The following HEMK1 variants were observed in gnomAD, a reference collection of about 807,000 sequenced individuals.
HEMK1 encodes MTRF1L release factor glutamine methyltransferase.
HEMK1 carries 36 observed loss-of-function variants against 47.9 expected under a neutral mutation model. The observed-to-expected ratio is 0.75, with a 90% confidence interval of 0.58 to 0.99. HEMK1 has a LOEUF of 0.99. HEMK1 is among the 50% of genes least tolerant of loss of function. HEMK1 has a pLI of 0.00. For missense variants in HEMK1, 383 were observed against 434.5 expected, an observed-to-expected ratio of 0.88 and a Z score of 1.05; for synonymous variants, 153 against 165.4, an observed-to-expected ratio of 0.93 and a Z score of 0.57.
Position 50,571,271 on chromosome 3 carries a change from G to A in HEMK1, c.167G>A (p.Gly56Asp). The A allele has an allele frequency of 1.9e-6, 3 of 1,613,098 alleles. No homozygotes were observed. The highest frequency in any genetic ancestry group is 2.5e-6 in the Non-Finnish European group (3 of 1,179,518). Residue 56 changes from glycine (G) to aspartate (D), a missense_variant, in exon 2 of 11, where the codon GGT becomes GAT. Physicochemically the swap from Gly to Asp is moderately conservative, Grantham distance 94. Coordinates refer to ENST00000232854, the MANE Select transcript of HEMK1 (RefSeq NM_016173.5). ...TGGACTGGGGTCTTTGAGAAGAGGG[G>A]TATCCCTGAGGCCCGGGAATCCAGT... is the stretch of plus-strand genomic sequence containing the variant. ...SHWTGVFEKR[G>D]IPEARESSEY...
intron 2 of HEMK1, 148 bp downstream of exon 2, chr3:50,571,480 AAC>A: frequency 1.5e-6 from 1 of 684,414 alleles, no homozygotes; most frequent in East Asian, 2.7e-5. Context: ...CACACACTGT[AAC>A]AGTTTGTTGG....
chr3:50,569,387 C>T (rs1435971292), upstream of HEMK1: 2 of 152,292 alleles, frequency 1.3e-5, no homozygotes, highest in African/African-American at 4.8e-5. Context: ...CAGGGGTCTC[C>T]TGGGAGGAAC....
chr3:50,575,422 C>CAAAAA (rs35905380), intron 4 of HEMK1, among the ~76,000 whole-genome samples: 2 of 139,082 alleles, frequency 1.4e-5, no homozygotes, highest in African/African-American at 2.7e-5. Flanking sequence ...AACTCTGTCT[C>CAAAAA]AAAAAAAAAA....
rs746556369 is a variant in HEMK1, at chr3:50,572,174, T to C, written c.380T>C (p.Val127Ala). 8.7e-6 allele frequency: 14 copies of C among 1,613,878 alleles called. No individual in the cohort carries two copies. Among genetic ancestry groups the C allele is most frequent in the Non-Finnish European group, 1.2e-5 (14 of 1,179,930 alleles). Residue 127 changes from valine to alanine, a missense_variant, in exon 4 of 11, where the codon GTG becomes GCG. Val to Ala is a moderately conservative substitution (Grantham distance 64). Transcript: ENST00000232854. ...WDFQGLSLRM[V>A]PPVFIPRPET... is the part of the protein sequence containing the mutation. ...TTCCAGGGGCTCAGCCTAAGGATGG[T>C]GCCCCCAGTGTTTATTCCTCGGCCA...
rs2030685546 is a variant in HEMK1, at chr3:50,580,679, G to T, written c.*262G>T. On this transcript the variant is annotated 3_prime_UTR_variant, in exon 11 of 11. Transcript: ENST00000232854. ...TAAAGTATTGAGAGACTAACAAATG[G>T]TGACCTAATGTTTTGTCCATGACTT... 3.6e-6 allele frequency: 2 copies of T among 549,358 alleles called. No homozygotes were observed. Among genetic ancestry groups the T allele is most frequent in the African/African-American group, 1.9e-5 (1 of 52,516 alleles). 34.0% of individuals were successfully genotyped at this position (549,358 alleles called of 1,614,324 possible).
chr3:50,572,643 G>T (rs1399954628), intron 4 of HEMK1, among the ~76,000 whole-genome samples: 1 of 152,206 alleles, frequency 6.6e-6, no homozygotes, highest in Admixed American at 6.5e-5. Context: ...GCAGGTCACT[G>T]CCCTCCTGCC....
At position 50,571,810 on chromosome 3, in the gene HEMK1, C is replaced by A. The variant is rs777737128; in HGVS notation, c.320+9C>A. 2 of 1,612,284 alleles carry A rather than the reference C, an allele frequency of 1.2e-6. No individual in the cohort carries two copies. The highest frequency in any genetic ancestry group is 2.2e-5 in the South Asian group (2 of 91,062). On this transcript the variant is annotated intron_variant, in intron 3 of 10. Coordinates refer to ENST00000232854, the MANE Select transcript of HEMK1 (RefSeq NM_016173.5). Reference sequence around the variant, plus strand: ...AGCCGTCGATTGCAGAGGTGAGCACCCATGGATCAGACCTGAAGGATGTGT... The same window carrying A: ...AGCCGTCGATTGCAGAGGTGAGCACACATGGATCAGACCTGAAGGATGTGT...
intron 4 of HEMK1, among the ~76,000 whole-genome samples, chr3:50,576,512 T>G (rs1450188037): frequency 6.6e-6 from 1 of 152,188 alleles, no homozygotes; most frequent in Non-Finnish European, 1.5e-5. Flanking sequence ...CAATTCTCCC[T>G]CTCACCTCAG....
intron 7 of HEMK1, among the ~76,000 whole-genome samples, chr3:50,578,097 A>G (rs953861317): frequency 6.6e-6 from 1 of 152,214 alleles, no homozygotes; most frequent in Non-Finnish European, 1.5e-5. Context: ...GACCTGACCC[A>G]TAAGGGACCA....
chr3:50,582,719 A>T lies in HEMK1; in HGVS notation c.*2302A>T, dbSNP rs2030969364. ...CATAAGGCAGGCAGGGATACAAGGC[A>T]GTCTGGAAAGAAGGGAAGGCAGGAG... On this transcript the variant is annotated 3_prime_UTR_variant, in exon 11 of 11. Coordinates refer to ENST00000232854, the MANE Select transcript of HEMK1 (RefSeq NM_016173.5). The T allele has an allele frequency of 6.6e-6, 1 of 152,346 alleles. No individual in the cohort carries two copies. Among genetic ancestry groups the T allele is most frequent in the Non-Finnish European group, 1.5e-5 (1 of 68,130 alleles). The allele number at this position is 152,346 out of a possible 1,614,324, so 9.4% of individuals were successfully genotyped here. A position where few individuals can be genotyped will look rare whatever the true frequency, so the allele number is the denominator to read the frequency against.
In HEMK1 at chr3:50,582,217, G is replaced by C. The variant is rs920355307; in HGVS notation, c.*1800G>C. On this transcript the variant is annotated 3_prime_UTR_variant, in exon 11 of 11. Coordinates refer to ENST00000232854, the MANE Select transcript of HEMK1 (RefSeq NM_016173.5). ...GAAGGGCCTTGGCGAGCTTGTGGAT[G>C]TTGCACCAGAAGAGAGTGCAGTGTT... The C allele has an allele frequency of 6.6e-6, 1 of 152,254 alleles. No homozygotes were observed. Among genetic ancestry groups the C allele is most frequent in the African/African-American group, 2.4e-5 (1 of 41,464 alleles). The allele number at this position is 152,254 out of a possible 1,614,324, so 9.4% of individuals were successfully genotyped here. A position where few individuals can be genotyped will look rare whatever the true frequency, so the allele number is the denominator to read the frequency against.
chr3:50,571,412 C>G lies in HEMK1; in HGVS notation c.228+80C>G, dbSNP rs1575889536. On this transcript the variant is annotated intron_variant, in intron 2 of 10. Transcript: ENST00000232854. The stretch of plus-strand genomic sequence containing the variant: ...AAGGGATATCCAGGTTTTCTGTTCA[C>G]TAAGAGTGCTTAGCTGAGACTGATG... The G allele has an allele frequency of 4.7e-6, 5 of 1,071,634 alleles. No homozygotes were observed. The Admixed American group carries it at 9.8e-5, about 21-fold the overall frequency. The allele number at this position is 1,071,634 out of a possible 1,614,324, so 66.4% of individuals were successfully genotyped here.
chr3:50,570,330 T>C (rs1159443777), intron 1 of HEMK1: 1 of 152,228 alleles, frequency 6.6e-6, no homozygotes, highest in East Asian at 1.9e-4. Flanking sequence ...AAATATACAA[T>C]TGTAAATTTT....
chr3:50,569,901 C>T (rs1307975381), intron 1 of HEMK1: 1 of 152,082 alleles, frequency 6.6e-6, no homozygotes, highest in African/African-American at 2.4e-5. Flanking sequence ...GTGGCATGAC[C>T]GCGGCTCGCT....
At chr3:50,574,133 A>G (rs1056055163) in intron 4 of HEMK1, among the ~76,000 whole-genome samples, 2 of 152,192 alleles carry the variant, frequency 1.3e-5, no homozygotes, top group Non-Finnish European at 2.9e-5. Context: ...AGAGCCAACA[A>G]CTGCCTGCCC....
intron 4 of HEMK1, among the ~76,000 whole-genome samples, chr3:50,575,906 C>G (rs768338981): frequency 7.9e-5 from 12 of 152,220 alleles, no homozygotes; most frequent in Non-Finnish European, 1.6e-4. Context: ...CACCCTTTAC[C>G]CCTACCCTAT....
chr3:50,577,359 T>C, intron 5 of HEMK1, 150 bp from the exon 6 acceptor site: 3 of 1,092,326 alleles, frequency 2.7e-6, no homozygotes, highest in East Asian at 4.8e-5. Flanking sequence ...CTACCACATC[T>C]ATCTGGCTAG....
chr3:50,573,344 G>A (rs970646563), intron 4 of HEMK1, among the ~76,000 whole-genome samples: 4 of 152,246 alleles, frequency 2.6e-5, no homozygotes, highest in Non-Finnish European at 4.4e-5. Flanking sequence ...GGTGTGGCCT[G>A]CCACCTGCAG....
chr3:50,593,795 G>C lies in HEMK1; in HGVS notation c.*13378G>C, dbSNP rs531304762. On this transcript the variant is annotated 3_prime_UTR_variant, in exon 11 of 11. Transcript: ENST00000232854. ...GTGCCACTCTGTTGCCCAGACTGGA[G>C]TGCAGTGGCGCGATCTCCCAGGTTC... The C allele has an allele frequency of 2.4e-3, 362 of 150,370 alleles. 3 individuals carry two copies. The highest frequency in any genetic ancestry group is 8.5e-3 in the African/African-American group (348 of 40,862). 9.3% of individuals were successfully genotyped at this position (150,370 alleles called of 1,614,324 possible).
Sources: gnomAD v4.1 joint callset for allele counts (sites outside exome capture counted in the v4.1 genomes callset) on GRCh38, gnomAD v4.1.1 for gene constraint, MANE v1.5 for transcripts, NCBI Gene and HGNC (gene_info 2026-07-23, HGNC 2026-07-21) for gene names.